Variants in PRDM16 observed in about 807,000 individuals in gnomAD.
The protein encoded by PRDM16 is PR/SET domain 16, also known as histone-lysine N-methyltransferase PRDM16.
A neutral mutation model predicts 110.6 loss-of-function variants in PRDM16; 23 were observed. The observed-to-expected ratio is 0.21, with a 90% CI of 0.15 to 0.29. The LOEUF is 0.29. Among genes scored for constraint, PRDM16 ranks in the 10% least tolerant of loss-of-function variants. PRDM16 has a pLI of 1.00. For missense variants in PRDM16, 1,615 were observed against 1,794.3 expected (o/e 0.90, Z 1.81); for synonymous variants, 799 against 781.8 (o/e 1.02, Z -0.37).
intron 2 of PRDM16, among the ~76,000 whole-genome samples, chr1:3,239,819 G>T (rs1639619503): frequency 6.6e-6 from 1 of 151,908 alleles, no homozygotes. Flanking sequence ...ACATGGTGGA[G>T]CATGCCTCTA....
At chr1:3,125,989 G>A (rs1471218997) in intron 1 of PRDM16, among the ~76,000 whole-genome samples, 1 of 152,216 alleles carries the variant, frequency 6.6e-6, no homozygotes, top group Admixed American at 6.5e-5. Flanking sequence ...TTTGAGTGGC[G>A]GATCTTCCTG....
chr1:3,414,503 TGGCTCGGCGGGGCGGGC>T, intron 9 of PRDM16, 40 bp from the exon 10 acceptor site: 17 of 1,391,548 alleles, frequency 1.2e-5, no homozygotes, highest in Non-Finnish European at 1.7e-5. Flanking sequence ...GTGGAGCGGG[TGGCTCGGCGGGGCGGGC>T]GGCTCGGTGG....
intron 3 of PRDM16, among the ~76,000 whole-genome samples, chr1:3,291,009 G>A (rs1486076349): frequency 6.6e-6 from 1 of 151,568 alleles, no homozygotes; most frequent in Non-Finnish European, 1.5e-5. Context: ...GCCTGGGAGA[G>A]GCCATCCTTG....
chr1:3,225,582 G>GCGCGCGCGCGCA (rs1557541658), intron 2 of PRDM16, among the ~76,000 whole-genome samples: 2 of 150,194 alleles, frequency 1.3e-5, no homozygotes, highest in African/African-American at 5.0e-5. Flanking sequence ...GTGCGCGCGC[G>GCGCGCGCGCGCA]CAGAAGGAAG....
At position 3,148,730 on chromosome 1, in the gene PRDM16, G is replaced by C. The variant is rs976177266; in HGVS notation, c.38-37395G>C. Among the ~76,000 whole-genome samples, 1 of 152,206 alleles carries C rather than the reference G, an allele frequency of 6.6e-6. No individual in the cohort carries two copies. Among genetic ancestry groups the C allele is most frequent in the African/African-American group, 2.4e-5 (1 of 41,442 alleles). On this transcript the variant is annotated intron_variant, in intron 1 of 16. Transcript: ENST00000270722. This position sits in a 1 kb window ranked among gnomAD's most constrained non-coding sequence, Gnocchi z 5.0. The stretch of plus-strand genomic sequence containing the variant: ...CCAAAGCCAAAGGGTGGTGAATCTG[G>C]GCACTGCCTGGGACCATGGGGGGAC...
At chr1:3,087,418 C>T (rs191707699) in intron 1 of PRDM16, among the ~76,000 whole-genome samples, 1 of 152,338 alleles carries the variant, frequency 6.6e-6, no homozygotes, top group Non-Finnish European at 1.5e-5. Context: ...GAGTCCTGGA[C>T]GTCCCACTCT....
chr1:3,288,096 C>T (rs1053812701), intron 3 of PRDM16, among the ~76,000 whole-genome samples: 1 of 152,238 alleles, frequency 6.6e-6, no homozygotes, highest in Admixed American at 6.5e-5. Context: ...GCTAGCTGCC[C>T]GGCCATAGGA....
chr1:3,346,009 G>C (rs146228388), intron 3 of PRDM16, among the ~76,000 whole-genome samples: 3 of 152,234 alleles, frequency 2.0e-5, no homozygotes, highest in Admixed American at 1.3e-4. Context: ...GCCTGTGAGC[G>C]TGCATATCAA....
Position 3,358,093 on chromosome 1 carries a change from C to A in PRDM16, c.439-27059C>A, listed in dbSNP as rs116794261. ...GGCGGTGCCCAGTGGCCTGGCCTCA[C>A]GCGTGGGTCCATCCCGGAACCACAC... On this transcript the variant is annotated intron_variant, in intron 3 of 16. Transcript: ENST00000270722. This position sits in a 1 kb window ranked among gnomAD's most constrained non-coding sequence, Gnocchi z 4.0. Among the ~76,000 whole-genome samples, 1 of 152,230 alleles carries A rather than the reference C, an allele frequency of 6.6e-6. No individual in the cohort carries two copies. Among genetic ancestry groups the A allele is most frequent in the African/African-American group, 2.4e-5 (1 of 41,466 alleles).
chr1:3,193,871 T>G (rs1638382919), intron 2 of PRDM16, among the ~76,000 whole-genome samples: 2 of 151,996 alleles, frequency 1.3e-5, no homozygotes. Flanking sequence ...CTGGGGAGCA[T>G]GGGAAATACA....
At chr1:3,374,866 AGGAGCAGCCAGGCGGG>A (rs1405437530) in intron 3 of PRDM16, among the ~76,000 whole-genome samples, 2 of 152,212 alleles carry the variant, frequency 1.3e-5, no homozygotes, top group East Asian at 3.8e-4. Context: ...GCAGGTGAGC[AGGAGCAGCCAGGCGGG>A]GGAGCAGCAG....
Position 3,435,972 on chromosome 1 carries a change from C to G in PRDM16, c.*2161C>G, listed in dbSNP as rs1022754079. ...AGCGGGGGAGCTGCCTGCAGAAGAGCCAGCTGGCGTGTCGGGAAGGATCCA... is the reference window on the plus strand; with the variant it reads ...AGCGGGGGAGCTGCCTGCAGAAGAGGCAGCTGGCGTGTCGGGAAGGATCCA... On this transcript the variant is annotated 3_prime_UTR_variant, in exon 17 of 17. Transcript: ENST00000270722. 1 of 231,232 alleles carries G rather than the reference C, an allele frequency of 4.3e-6. No individual in the cohort carries two copies. The highest frequency in any genetic ancestry group is 8.6e-6 in the Non-Finnish European group (1 of 116,822). The allele number at this position is 231,232 out of a possible 1,614,324, so 14.3% of individuals were successfully genotyped here. A position where few individuals can be genotyped will look rare whatever the true frequency, so the allele number is the denominator to read the frequency against.
rs745961456 is a variant in PRDM16, at chr1:3,186,444, G to A, written c.357G>A (p.Ala119=). The change falls in exon 2 of 17, where the codon GCG becomes GCA. Residue 119 remains alanine (A), a synonymous_variant. Transcript: ENST00000270722. ...RLGPCVVVPR[A]AAKETDFGWE... ...GCCCCTGCGTGGTGGTGCCCCGGGC[G>A]GCGGCAAAGGAGACAGACTTCGGAT... 1.2e-5 allele frequency: 18 copies of A among 1,549,528 alleles called. No homozygotes were observed. The highest frequency in any genetic ancestry group is 1.1e-4 in the East Asian group (5 of 44,238).
chr1:3,216,164 A>G (rs1372611338), intron 2 of PRDM16, among the ~76,000 whole-genome samples: 4 of 152,086 alleles, frequency 2.6e-5, no homozygotes, highest in Non-Finnish European at 5.9e-5. Flanking sequence ...CAAAGGCCAC[A>G]CTCTCTTTCC....
At chr1:3,198,434 T>G (rs533494791) in intron 2 of PRDM16, among the ~76,000 whole-genome samples, 49 of 152,372 alleles carry the variant, frequency 3.2e-4, no homozygotes, top group African/African-American at 1.2e-3. Flanking sequence ...CTCACTCAGC[T>G]GCCAGGATGC....
chr1:3,184,134 G>A (rs1644241780), intron 1 of PRDM16, among the ~76,000 whole-genome samples: 1 of 152,130 alleles, frequency 6.6e-6, no homozygotes, highest in Non-Finnish European at 1.5e-5. Flanking sequence ...TCTCTGAAAG[G>A]ATCCGCCGCG....
intron 2 of PRDM16, among the ~76,000 whole-genome samples, chr1:3,202,660 C>T (rs1391535936): frequency 6.6e-6 from 1 of 152,218 alleles, no homozygotes; most frequent in Non-Finnish European, 1.5e-5. Flanking sequence ...CCTTTTCAAC[C>T]TCAGTAGCTT....
At chr1:3,393,288 C>G (rs1466467214) in intron 4 of PRDM16, among the ~76,000 whole-genome samples, 1 of 150,402 alleles carries the variant, frequency 6.6e-6, no homozygotes, top group East Asian at 1.9e-4. Context: ...ATATACTGTT[C>G]TTCTTCCTTT....
rs189720231 is a variant in PRDM16, at chr1:3,359,128, C to T, written c.439-26024C>T. Among the ~76,000 whole-genome samples, 102 of 152,324 alleles carry T rather than the reference C, an allele frequency of 6.7e-4. 1 individual carries two copies. The East Asian group carries it at 0.019, about 29-fold the overall frequency. ...CATCACGGCACACTGCAGCCTCCACCTCCCGGGCTCAAGCGATCCTCCCTC... is the reference window on the plus strand; with the variant it reads ...CATCACGGCACACTGCAGCCTCCACTTCCCGGGCTCAAGCGATCCTCCCTC... On this transcript the variant is annotated intron_variant, in intron 3 of 16. Transcript: ENST00000270722. This position sits in a 1 kb window ranked among gnomAD's most constrained non-coding sequence, Gnocchi z 4.3.
Sources: allele counts gnomAD v4.1 joint callset (sites outside exome capture counted in the v4.1 genomes callset), GRCh38; gene constraint gnomAD v4.1.1; non-coding constraint Gnocchi (gnomAD v3.1); transcripts MANE v1.5; gene names NCBI Gene and HGNC (gene_info 2026-07-23, HGNC 2026-07-21).